MLF1: variants seen among roughly 807,000 people sequenced by gnomAD.
MLF1 encodes myeloid leukemia factor 1.
Under a neutral mutation model 38.3 loss-of-function variants are expected in MLF1, and 37 were observed. That is an observed-to-expected ratio of 0.96 (90% CI 0.74 to 1.27). The LOEUF is 1.27. MLF1 is among the 50% of genes most tolerant of loss of function. MLF1 has a pLI of 0.00. For missense variants in MLF1, 331 were observed against 349.2 expected (o/e 0.95, Z 0.42); for synonymous variants, 95 against 106.5 (o/e 0.89, Z 0.66).
intron 5 of MLF1, 69 bp from the exon 6 acceptor site, chr3:158,599,945 G>A: frequency 1.5e-6 from 1 of 666,938 alleles, no homozygotes; most frequent in South Asian, 7.1e-5. Context: ...TATCTCTGTA[G>A]GTAAGCTGGC....
At chr3:158,603,623 C>A (rs888289521) in intron 7 of MLF1, among the ~76,000 whole-genome samples, 1 of 151,900 alleles carries the variant, frequency 6.6e-6, no homozygotes, top group Non-Finnish European at 1.5e-5. Flanking sequence ...GGATCAGTTG[C>A]GGTCAGGAGT....
rs774058820 is a variant in MLF1 at position 158,602,931 on chromosome 3, TAAAAG to T, written c.741_745del (p.Arg248GlyfsTer10). ...ATGAGAATCCTGGCTCCCGAGAACT[TAAAAG>T]AAGGTAAAAGTTGTTTCTAAAATAG... is the stretch of plus-strand genomic sequence containing the variant. On this transcript the variant is annotated frameshift_variant, in exon 7 of 8. Coordinates refer to ENST00000466246, the MANE Select transcript of MLF1 (RefSeq NM_001369783.1). LOFTEE classifies it high-confidence loss of function. 6.8e-6 allele frequency: 11 copies of T among 1,609,094 alleles called. No homozygotes were observed. Among genetic ancestry groups the T allele is most frequent in the African/African-American group, 5.4e-5 (4 of 74,522 alleles).
At chr3:158,587,419 G>GC (rs1168283933) in intron 1 of MLF1, among the ~76,000 whole-genome samples, 1 of 152,164 alleles carries the variant, frequency 6.6e-6, no homozygotes, top group Non-Finnish European at 1.5e-5. Context: ...CTCACTGGCT[G>GC]CCCCAAGGCT....
chr3:158,592,278 A>G (rs1718263640), intron 1 of MLF1, among the ~76,000 whole-genome samples, 156 bp from the exon 2 acceptor site: 1 of 152,172 alleles, frequency 6.6e-6, no homozygotes, highest in African/African-American at 2.4e-5. Context: ...TTATGAGATA[A>G]TTCTATTCTA....
intron 1 of MLF1, among the ~76,000 whole-genome samples, chr3:158,583,291 A>G (rs1027045314): frequency 5.9e-5 from 9 of 152,188 alleles, no homozygotes; most frequent in Non-Finnish European, 1.2e-4. Context: ...AAAGGAACCA[A>G]CAGAAAGGAT....
At chr3:158,581,113 T>G (rs1048398257) in intron 1 of MLF1, among the ~76,000 whole-genome samples, 1 of 152,142 alleles carries the variant, frequency 6.6e-6, no homozygotes, top group Non-Finnish European at 1.5e-5. Flanking sequence ...ATAGAGAGAA[T>G]CACAACTTAA....
intron 1 of MLF1, among the ~76,000 whole-genome samples, chr3:158,579,620 A>G (rs1186351819): frequency 6.6e-6 from 1 of 152,188 alleles, no homozygotes; most frequent in Non-Finnish European, 1.5e-5. Context: ...AATGAGCCAT[A>G]TTTTGTTGAT....
chr3:158,584,269 G>A lies in MLF1; in HGVS notation c.48-8165G>A, dbSNP rs542726321. Among the ~76,000 whole-genome samples the A allele has an allele frequency of 6.4e-4, 98 of 152,262 alleles. 2 individuals are homozygous for A. Among genetic ancestry groups the A allele is most frequent in the East Asian group, 3.9e-4 (2 of 5,186 alleles). ...ACAAATCTGTCTAAGGCTTAACCAC[G>A]TATGCATAAGACAGACTCAGAGCAG... On this transcript the variant is annotated intron_variant, in intron 1 of 7. Coordinates refer to ENST00000466246, the MANE Select transcript of MLF1 (RefSeq NM_001369783.1).
rs1211875247 is a variant in MLF1, at chr3:158,598,076, G to A, written c.325-4G>A. 2 of 1,612,136 alleles carry A rather than the reference G, an allele frequency of 1.2e-6. No individual in the cohort carries two copies. Among genetic ancestry groups the A allele is most frequent in the East Asian group, 2.2e-5 (1 of 44,852 alleles). On this transcript the variant is annotated splice_polypyrimidine_tract_variant and splice_region_variant and intron_variant, in intron 4 of 7. Coordinates refer to ENST00000466246, the MANE Select transcript of MLF1 (RefSeq NM_001369783.1). ...GACTGAATTTACAATTTGTTTACCTGTAGGGTCAACTTTCAGTGGATCCAA... is the reference window on the plus strand; with the variant it reads ...GACTGAATTTACAATTTGTTTACCTATAGGGTCAACTTTCAGTGGATCCAA...
intron 1 of MLF1, among the ~76,000 whole-genome samples, chr3:158,572,928 T>C (rs17629414): frequency 0.56 from 85,013 of 151,210 alleles, 24,774 homozygotes; most frequent in African/African-American, 0.72. Flanking sequence ...GCCTGCTGCT[T>C]TCCATTTGGC....
chr3:158,602,630 G>A (rs991848022), intron 6 of MLF1, among the ~76,000 whole-genome samples, 177 bp from the exon 7 acceptor site: 6 of 152,210 alleles, frequency 3.9e-5, no homozygotes, highest in Admixed American at 3.3e-4. Context: ...GAGAGGAACA[G>A]ACAGGAAAAC....
At chr3:158,579,816 T>C (rs1269343942) in intron 1 of MLF1, among the ~76,000 whole-genome samples, 1 of 152,226 alleles carries the variant, frequency 6.6e-6, no homozygotes, top group Non-Finnish European at 1.5e-5. Flanking sequence ...CTGGTTTTCC[T>C]AAGTAAGTAT....
chr3:158,598,181 A>T lies in MLF1; in HGVS notation c.426A>T (p.Ser142=). Residue 142 remains serine (S), a synonymous_variant, in exon 5 of 8, where the codon TCA becomes TCT. Coordinates refer to ENST00000466246, the MANE Select transcript of MLF1 (RefSeq NM_001369783.1). ...GDEPPKVFQA[S]TQTRRAPGGI... ...AACCGCCAAAGGTTTTTCAGGCCTC[A>T]ACTCAAACTCGTCGAGCTCCAGGAG... 6.2e-7 allele frequency: 1 copy of T among 1,613,818 alleles called. No homozygotes were observed.
intron 1 of MLF1, among the ~76,000 whole-genome samples, chr3:158,583,639 G>A (rs1716758281): frequency 6.6e-6 from 1 of 152,170 alleles, no homozygotes; most frequent in Non-Finnish European, 1.5e-5. Context: ...GAACCAAACT[G>A]TAGGACCAAG....
rs1375918915 is a variant in MLF1, at chr3:158,601,805, TC to T, written c.614-1001del. 5.6e-5 allele frequency among the ~76,000 whole-genome samples: 5 copies of T among 89,272 alleles called. No homozygotes were observed. In the East Asian group the frequency reaches 1.8e-3, roughly 31 times the overall value. 58.6% of individuals were successfully genotyped at this position (89,272 alleles called of 152,430 possible). On this transcript the variant is annotated intron_variant, in intron 6 of 7. Transcript: ENST00000466246. Reference sequence around the variant, plus strand: ...TAACATTGGGGTTTGATAAAATTATTCTTTTTTTTTTTTTTTTTTTTGAGAC... The same window carrying T: ...TAACATTGGGGTTTGATAAAATTATTTTTTTTTTTTTTTTTTTTTTGAGAC...
At chr3:158,587,245 G>A (rs1385562417) in intron 1 of MLF1, among the ~76,000 whole-genome samples, 1 of 152,190 alleles carries the variant, frequency 6.6e-6, no homozygotes, top group African/African-American at 2.4e-5. Context: ...AGAGGACAGG[G>A]AAGAGAACAG....
intron 1 of MLF1, among the ~76,000 whole-genome samples, chr3:158,573,027 G>A (rs1428095329): frequency 6.6e-6 from 1 of 151,706 alleles, no homozygotes; most frequent in African/African-American, 2.4e-5. Context: ...CTACCATCTC[G>A]GTGAAACTTA....
At chr3:158,594,178 T>C (rs1219771729) in intron 3 of MLF1, among the ~76,000 whole-genome samples, 2 of 152,116 alleles carry the variant, frequency 1.3e-5, no homozygotes, top group African/African-American at 4.8e-5. Flanking sequence ...CACAGAGTTA[T>C]GAGTAAAATG....
intron 1 of MLF1, chr3:158,591,016 T>C: frequency 2.3e-6 from 1 of 432,118 alleles, no homozygotes; most frequent in South Asian, 1.7e-5. Context: ...AAATCTGAGC[T>C]CTTTTGGAAT....
Sources: gnomAD v4.1 joint callset for allele counts (sites outside exome capture counted in the v4.1 genomes callset) on GRCh38, gnomAD v4.1.1 for gene constraint, MANE v1.5 for transcripts, NCBI Gene and HGNC (gene_info 2026-07-23, HGNC 2026-07-21) for gene names.